Variants in GRAMD1A observed in about 807,000 individuals in gnomAD.
GRAMD1A encodes GRAM domain containing 1A, also known as protein Aster-A.
A neutral mutation model predicts 92.0 loss-of-function variants in GRAMD1A; 50 were observed. The observed-to-expected ratio is 0.54, with a 90% CI of 0.43 to 0.69. GRAMD1A has a LOEUF of 0.69. Ranked by LOEUF, GRAMD1A falls within the 30% of genes least tolerant of loss-of-function variation. The pLI is 0.00. For synonymous variants in GRAMD1A, 405 were observed against 403.6 expected (o/e 1.00, Z -0.04); for missense variants, 819 against 978.9 (o/e 0.84, Z 2.18).
Position 35,021,723 on chromosome 19 carries a change from C to A in GRAMD1A, c.1612C>A (p.Leu538Met). 1.2e-6 allele frequency: 2 copies of A among 1,614,060 alleles called. No homozygotes were observed. The highest frequency in any genetic ancestry group is 1.7e-6 in the Non-Finnish European group (2 of 1,180,018). ...GCTCGCCAAGGCTGAGAAGCTGTCT[C>A]TGGAGGAAGGCGGGAAGGATGCCCG... Reference protein sequence around the residue: ...RELAKAEKLSLEEGGKDARGL... With the variant: ...RELAKAEKLSMEEGGKDARGL... The change falls in exon 15 of 20, where the codon CTG (leucine) becomes ATG (methionine). Residue 538 changes from leucine (L) to methionine (M), a missense_variant. Leu to Met is a conservative substitution (Grantham distance 15, BLOSUM62 2). Transcript: ENST00000317991. This position sits in a 1 kb window ranked among gnomAD's most constrained non-coding sequence, Gnocchi z 5.3.
rs1456548391 is a variant in GRAMD1A, at chr19:35,009,417, T to C, written c.220-6T>C. 1 of 1,613,968 alleles carries C rather than the reference T, an allele frequency of 6.2e-7. No homozygotes were observed. Among genetic ancestry groups the C allele is most frequent in the Non-Finnish European group, 8.5e-7 (1 of 1,180,022 alleles). ...CTCATCCTGACTCCTCTCCTTTTCT[T>C]TGCAGAAGATGCAGAGCTGGTACAG... is the stretch of plus-strand genomic sequence containing the variant. On this transcript the variant is annotated splice_polypyrimidine_tract_variant and splice_region_variant and intron_variant, in intron 2 of 19. Transcript: ENST00000317991.
At chr19:35,005,841 G>A (rs1391326967) in intron 1 of GRAMD1A, 2 of 456,108 alleles carry the variant, frequency 4.4e-6, no homozygotes, top group East Asian at 1.4e-4. Context: ...GGTCACGCAT[G>A]AGCCAAAGTC....
intron 7 of GRAMD1A, among the ~76,000 whole-genome samples, chr19:35,011,954 G>A (rs988478246): frequency 1.3e-5 from 2 of 152,186 alleles, no homozygotes; most frequent in Non-Finnish European, 2.9e-5. Context: ...AGGCTCCGAT[G>A]TCCCTGGAGC....
chr19:35,014,015 G>A (rs1406043072), intron 9 of GRAMD1A, among the ~76,000 whole-genome samples, 174 bp from the exon 10 acceptor site: 1 of 152,178 alleles, frequency 6.6e-6, no homozygotes, highest in Non-Finnish European at 1.5e-5. Context: ...GGCAGGGGCT[G>A]AGAGGGGCCC....
intron 10 of GRAMD1A, 181 bp from the exon 11 acceptor site, chr19:35,015,643 G>T: frequency 1.8e-6 from 1 of 557,618 alleles, no homozygotes; most frequent in Non-Finnish European, 3.1e-6. Context: ...TGGGCCTGGA[G>T]CACGTGCCCA....
In GRAMD1A at chr19:35,021,636, T is replaced by A. The variant is rs753273892; in HGVS notation, c.1579+31T>A. 6.2e-7 allele frequency: 1 copy of A among 1,612,748 alleles called. No individual in the cohort carries two copies. ...GACAGAAGGCCGGCTGGGGCGTGGGTTGGGGGATGGCCTGGCCAGGTATGG... is the reference window on the plus strand; with the variant it reads ...GACAGAAGGCCGGCTGGGGCGTGGGATGGGGGATGGCCTGGCCAGGTATGG... On this transcript the variant is annotated intron_variant, in intron 14 of 19. Coordinates refer to ENST00000317991, the MANE Select transcript of GRAMD1A (RefSeq NM_020895.5). This position sits in a 1 kb window ranked among gnomAD's most constrained non-coding sequence, Gnocchi z 5.3.
In GRAMD1A at chr19:35,004,004, A is replaced by G. The variant is rs2014609374; in HGVS notation, c.8+3518A>G. ...CACTTTGGGAGGCCAAGGTGGGAGG[A>G]TCACTTGAGGTCAGGAGTTTGAGAC... On this transcript the variant is annotated intron_variant, in intron 1 of 19. Coordinates refer to ENST00000317991, the MANE Select transcript of GRAMD1A (RefSeq NM_020895.5). Among the ~76,000 whole-genome samples, 5 of 152,316 alleles carry G rather than the reference A, an allele frequency of 3.3e-5. No individual in the cohort carries two copies. The South Asian group carries it at 1.0e-3, about 32-fold the overall frequency.
At chr19:35,010,678 C>T (rs2015170289) in intron 6 of GRAMD1A, 1 of 563,576 alleles carries the variant, frequency 1.8e-6, no homozygotes, top group Admixed American at 3.4e-5. Context: ...GATGTTGTGT[C>T]CTGTCCCTGT....
At chr19:35,012,985 A>T in intron 7 of GRAMD1A, 1 of 427,980 alleles carries the variant, frequency 2.3e-6, no homozygotes, top group South Asian at 3.9e-5. Context: ...CAAAAAACAA[A>T]CAAAAAAAGA....
intron 6 of GRAMD1A, 49 bp downstream of exon 6, chr19:35,010,428 C>T (rs1419021605): frequency 8.2e-7 from 1 of 1,214,020 alleles, no homozygotes; most frequent in Non-Finnish European, 1.2e-6. Context: ...GCTCAGCAGG[C>T]CGCCTCCCCC....
chr19:35,009,087 G>A, intron 1 of GRAMD1A, 32 bp from the exon 2 acceptor site: 1 of 1,493,524 alleles, frequency 6.7e-7, no homozygotes, highest in South Asian at 1.1e-5. Context: ...GTTTTTTCCA[G>A]TTAACACTTC....
Position 35,009,881 on chromosome 19 carries a change from T to C in GRAMD1A, c.241-7T>C. The stretch of plus-strand genomic sequence containing the variant: ...CATCCAGGTTCTCACCTCTCAAACT[T>C]CCTCAGATGCTGAGCCCCACTTATA... On this transcript the variant is annotated splice_region_variant and splice_polypyrimidine_tract_variant and intron_variant, in intron 3 of 19. Transcript: ENST00000317991. 1 of 1,587,660 alleles carries C rather than the reference T, an allele frequency of 6.3e-7. No homozygotes were observed. The highest frequency in any genetic ancestry group is 8.7e-7 in the Non-Finnish European group (1 of 1,155,946).
rs1216386017 is a variant in GRAMD1A, at chr19:35,009,453, T to C, written c.240+10T>C. 1.9e-6 allele frequency: 3 copies of C among 1,609,946 alleles called. No homozygotes were observed. In the South Asian group the frequency reaches 3.3e-5, roughly 18 times the overall value. On this transcript the variant is annotated intron_variant, in intron 3 of 19. Coordinates refer to ENST00000317991, the MANE Select transcript of GRAMD1A (RefSeq NM_020895.5). Reference sequence around the variant, plus strand: ...GCAGAGCTGGTACAGTGTAAGTGTCTGGGCAAGGGGCTTGCTGGAGGGCTG... The same window carrying C: ...GCAGAGCTGGTACAGTGTAAGTGTCCGGGCAAGGGGCTTGCTGGAGGGCTG...
upstream of GRAMD1A, among the ~76,000 whole-genome samples, chr19:34,995,575 T>G (rs908068631): frequency 1.6e-4 from 21 of 129,192 alleles, no homozygotes; most frequent in Admixed American, 1.5e-4. Context: ...TCACGGGTTT[T>G]TTTTTTTTTT....
intron 11 of GRAMD1A, 23 bp downstream of exon 11, chr19:35,015,990 G>A (rs781669022): frequency 1.9e-6 from 3 of 1,608,198 alleles, no homozygotes; most frequent in Non-Finnish European, 2.5e-6. Flanking sequence ...ATGAAGGAGA[G>A]GCTGAGGTTA....
chr19:35,013,120 G>T lies in GRAMD1A; in HGVS notation c.607-136G>T, dbSNP rs1161128627. On this transcript the variant is annotated intron_variant, in intron 7 of 19. Transcript: ENST00000317991. This position sits in a 1 kb window ranked among gnomAD's most constrained non-coding sequence, Gnocchi z 4.9. ...GGGATTCCCCGCTTGCTGAGGCCAG[G>T]TCTGGTGCGGGAGATCGTGGCTGCC... 8.2e-6 allele frequency: 5 copies of T among 610,514 alleles called. No homozygotes were observed. Among genetic ancestry groups the T allele is most frequent in the African/African-American group, 1.8e-5 (1 of 54,668 alleles). 37.8% of individuals were successfully genotyped at this position (610,514 alleles called of 1,614,324 possible).
intron 1 of GRAMD1A, among the ~76,000 whole-genome samples, chr19:35,007,327 G>C (rs952075756): frequency 2.0e-5 from 3 of 152,162 alleles, no homozygotes; most frequent in African/African-American, 7.2e-5. Context: ...GCCGAGGTGG[G>C]CGGATAACCT....
rs917696184 is a variant in GRAMD1A at position 35,026,344 on chromosome 19, A to G, written c.*203A>G. 2 of 584,380 alleles carry G rather than the reference A, an allele frequency of 3.4e-6. No individual in the cohort carries two copies. The highest frequency in any genetic ancestry group is 3.8e-5 in the African/African-American group (2 of 53,198). The allele number at this position is 584,380 out of a possible 1,614,324, so 36.2% of individuals were successfully genotyped here. A position where few individuals can be genotyped will look rare whatever the true frequency, so the allele number is the denominator to read the frequency against. On this transcript the variant is annotated 3_prime_UTR_variant, in exon 20 of 20. Coordinates refer to ENST00000317991, the MANE Select transcript of GRAMD1A (RefSeq NM_020895.5). ...TGGCCCGGCCTCTGGCAGGCCCCCCACTAACTTATTTTGCCCGGCTGAGGT... is the reference window on the plus strand; with the variant it reads ...TGGCCCGGCCTCTGGCAGGCCCCCCGCTAACTTATTTTGCCCGGCTGAGGT...
In GRAMD1A at chr19:35,026,042, C is replaced by T; in HGVS notation, c.2083-7C>T. 2.0e-6 allele frequency: 3 copies of T among 1,521,764 alleles called. No homozygotes were observed. The allele number at this position is 1,521,764 out of a possible 1,614,324, so 94.3% of individuals were successfully genotyped here. On this transcript the variant is annotated splice_region_variant and splice_polypyrimidine_tract_variant and intron_variant, in intron 19 of 19. Transcript: ENST00000317991. ...CACCCCCGACCCTGCTCACCTCCTC[C>T]CCGCAGATGAAGTTCTCGCTGGAGA...
Sources: allele counts gnomAD v4.1 joint callset (sites outside exome capture counted in the v4.1 genomes callset), GRCh38; gene constraint gnomAD v4.1.1; non-coding constraint Gnocchi (gnomAD v3.1); transcripts MANE v1.5; gene names NCBI Gene and HGNC (gene_info 2026-07-23, HGNC 2026-07-21).